The following PALLD variants were observed in gnomAD, a reference collection of about 807,000 sequenced individuals.
PALLD encodes the protein palladin, cytoskeletal associated protein.
In PALLD, 61 loss-of-function variants were observed where a neutral mutation model predicts 123.5. The observed-to-expected ratio is 0.49, with a 90% confidence interval of 0.40 to 0.61. The LOEUF is 0.61. Ranked by LOEUF, PALLD falls within the 20% of genes least tolerant of loss-of-function variation. The probability of loss-of-function intolerance (pLI) is 0.00; values close to 1 mark genes in which losing one functional copy is unlikely to be tolerated. For missense variants in PALLD, 1,273 were observed against 1,377.0 expected, an observed-to-expected ratio of 0.92 and a Z score of 1.20; for synonymous variants, 465 against 496.4, an observed-to-expected ratio of 0.94 and a Z score of 0.84.
At chr4:168,542,431 A>T (rs2319902) in intron 2 of PALLD, among the ~76,000 whole-genome samples, 91,758 of 149,190 alleles carry the variant, frequency 0.62, 28,444 homozygotes, top group East Asian at 0.85. Context: ...AAAATAAATT[A>T]AAAAAAAAAC....
chr4:168,680,270 G>A (rs1781410111), intron 3 of PALLD, among the ~76,000 whole-genome samples: 1 of 151,446 alleles, frequency 6.6e-6, no homozygotes, highest in Non-Finnish European at 1.5e-5. Context: ...TTGAGGTCAG[G>A]AGTTCGAGAC....
chr4:168,790,882 G>T (rs771577519), intron 10 of PALLD, among the ~76,000 whole-genome samples: 1 of 152,152 alleles, frequency 6.6e-6, no homozygotes, highest in Non-Finnish European at 1.5e-5. Flanking sequence ...ATTTGATTTT[G>T]TGGAGATTTG....
chr4:168,776,431 A>C lies in PALLD; in HGVS notation c.1964+64508A>C, dbSNP rs185879695. Among the ~76,000 whole-genome samples, 3 of 152,316 alleles carry C rather than the reference A, an allele frequency of 2.0e-5. No individual in the cohort carries two copies. The East Asian group carries it at 5.8e-4, about 29-fold the overall frequency. On this transcript the variant is annotated intron_variant, in intron 10 of 21. Transcript: ENST00000505667. ...ATAGATTCCATTGGATTTCTACATA[A>C]TAGTGTTGTTTGCAAATACAGACAG... is the stretch of plus-strand genomic sequence containing the variant.
chr4:168,625,502 G>GATAGATAGATAGATAT, intron 2 of PALLD, among the ~76,000 whole-genome samples: 2 of 114,428 alleles, frequency 1.7e-5, no homozygotes, highest in Admixed American at 1.0e-4. Context: ...ATATCCAGGA[G>GATAGATAGATAGATAT]ATATATATAT....
chr4:168,533,093 A>G (rs545811601), intron 2 of PALLD, among the ~76,000 whole-genome samples: 2 of 152,338 alleles, frequency 1.3e-5, no homozygotes, highest in Non-Finnish European at 2.9e-5. Context: ...ATTTGTGTGT[A>G]TATGTTTTAG....
chr4:168,878,392 C>A lies in PALLD; in HGVS notation c.1965-12530C>A. 1 of 1,489,644 alleles carries A rather than the reference C, an allele frequency of 6.7e-7. No individual in the cohort carries two copies. Among genetic ancestry groups the A allele is most frequent in the Non-Finnish European group, 8.9e-7 (1 of 1,125,660 alleles). The allele number at this position is 1,489,644 out of a possible 1,614,324, so 92.3% of individuals were successfully genotyped here. A position where few individuals can be genotyped will look rare whatever the true frequency, so the allele number is the denominator to read the frequency against. ...TGGGGCTGCCCAAGGGTGTCACCCC[C>A]GCGTGAGTAACCGCCGCGGTCCTCC... On this transcript the variant is annotated intron_variant, in intron 10 of 21. Transcript: ENST00000505667.
rs1188744412 is a variant in PALLD at position 168,896,606 on chromosome 4, C to G, written c.2250+7C>G. 4 of 1,466,026 alleles carry G rather than the reference C, an allele frequency of 2.7e-6. No individual in the cohort carries two copies. Among genetic ancestry groups the G allele is most frequent in the Non-Finnish European group, 3.7e-6 (4 of 1,083,114 alleles). 90.8% of individuals were successfully genotyped at this position (1,466,026 alleles called of 1,614,324 possible). On this transcript the variant is annotated splice_region_variant and intron_variant, in intron 13 of 21. Transcript: ENST00000505667. ...TCCTCTGGATGGTCAAAAGGTTAAG[C>G]TTTTCACCTTTCTTCTCCTTCCAGT...
intron 18 of PALLD, among the ~76,000 whole-genome samples, chr4:168,922,415 A>G (rs933245881): frequency 6.6e-6 from 1 of 152,240 alleles, no homozygotes; most frequent in African/African-American, 2.4e-5. Flanking sequence ...TGCTTCATGT[A>G]CATTATGTAT....
intron 10 of PALLD, among the ~76,000 whole-genome samples, chr4:168,872,885 G>A (rs1020095721): frequency 2.0e-5 from 3 of 152,186 alleles, no homozygotes; most frequent in African/African-American, 7.2e-5. Context: ...TAAAGTTATA[G>A]ATGGAACTGA....
At chr4:168,675,001 A>T (rs761365166) in intron 3 of PALLD, among the ~76,000 whole-genome samples, 1 of 152,244 alleles carries the variant, frequency 6.6e-6, no homozygotes, top group African/African-American at 2.4e-5. Flanking sequence ...ACCCTCAAGA[A>T]CTAGCTGGCA....
Position 168,683,002 on chromosome 4 carries a change from C to A in PALLD, c.1159C>A (p.Gln387Lys). 6.2e-7 allele frequency: 1 copy of A among 1,601,010 alleles called. No individual in the cohort carries two copies. Among genetic ancestry groups the A allele is most frequent in the Non-Finnish European group, 8.6e-7 (1 of 1,168,542 alleles). ...KSRAGAMPQA[Q>K]KKTTSVSLTI... ...ACTCACCTTCCTATTTTCCAGAGCT[C>A]AAAAGAAAACAACTTCTGTTTCCTT... is the stretch of plus-strand genomic sequence containing the variant. The change falls in exon 5 of 22, where the codon CAA becomes AAA. Residue 387 changes from glutamine (Q) to lysine (K), a missense_variant. Transcript: ENST00000505667.
intron 2 of PALLD, among the ~76,000 whole-genome samples, chr4:168,564,174 A>C (rs1768134990): frequency 6.6e-6 from 1 of 152,154 alleles, no homozygotes; most frequent in Non-Finnish European, 1.5e-5. Flanking sequence ...CAGGGAATTC[A>C]CTCAACAGTT....
chr4:168,778,928 C>T (rs7691707), intron 10 of PALLD, among the ~76,000 whole-genome samples: 54,114 of 152,138 alleles, frequency 0.36, 10,484 homozygotes, highest in East Asian at 0.55. Context: ...TCCAGTGCTT[C>T]GGGATTATAG....
At chr4:168,710,599 A>G (rs2150208080) in intron 9 of PALLD, among the ~76,000 whole-genome samples, 1 of 152,312 alleles carries the variant, frequency 6.6e-6, no homozygotes, top group East Asian at 1.9e-4. Flanking sequence ...TTTCATCTTC[A>G]TTAAGAAAAG....
intron 10 of PALLD, among the ~76,000 whole-genome samples, chr4:168,811,770 T>TCACACACACA (rs1402735922): frequency 2.0e-4 from 20 of 101,832 alleles, no homozygotes; most frequent in African/African-American, 6.6e-4. Flanking sequence ...TCTCTCTCTC[T>TCACACACACA]CTCTCTCACA....
At chr4:168,846,905 G>GA (rs1746944139) in intron 10 of PALLD, among the ~76,000 whole-genome samples, 1 of 152,104 alleles carries the variant, frequency 6.6e-6, no homozygotes, top group East Asian at 1.9e-4. Flanking sequence ...ATATTACCAT[G>GA]AAAAAATGTT....
At chr4:168,786,367 T>C (rs1378266137) in intron 10 of PALLD, among the ~76,000 whole-genome samples, 1 of 152,050 alleles carries the variant, frequency 6.6e-6, no homozygotes, top group Non-Finnish European at 1.5e-5. Context: ...AGAAGTATAC[T>C]TATTGGCATA....
intron 2 of PALLD, among the ~76,000 whole-genome samples, chr4:168,582,907 G>T (rs1770439125): frequency 6.6e-6 from 1 of 152,144 alleles, no homozygotes; most frequent in Non-Finnish European, 1.5e-5. Flanking sequence ...GAAAGGCTTT[G>T]CACTCTTAAT....
At chr4:168,823,117 G>A (rs1305972030) in intron 10 of PALLD, among the ~76,000 whole-genome samples, 7 of 151,860 alleles carry the variant, frequency 4.6e-5, no homozygotes, top group Admixed American at 3.9e-4. Flanking sequence ...ATTATTATAT[G>A]GTCATCATTG....
Sources: allele counts gnomAD v4.1 joint callset (sites outside exome capture counted in the v4.1 genomes callset), GRCh38; gene constraint gnomAD v4.1.1; transcripts MANE v1.5; gene names NCBI Gene and HGNC (gene_info 2026-07-23, HGNC 2026-07-21).